CELF4: variants seen among roughly 807,000 people sequenced by gnomAD.
The protein encoded by CELF4 is CUG-BP- and ETR-3-like factor 4.
CELF4 carries 18 observed loss-of-function variants against 59.9 expected under a neutral mutation model. The observed-to-expected ratio is 0.30, with a 90% CI of 0.21 to 0.45. CELF4 has a LOEUF of 0.45. Ranked by LOEUF, CELF4 falls within the 20% of genes least tolerant of loss-of-function variation. CELF4 has a pLI of 1.00. For synonymous variants in CELF4, 261 were observed against 267.1 expected (o/e 0.98, Z 0.22); for missense variants, 456 against 689.0 (o/e 0.66, Z 3.79).
chr18:37,508,252 TG>T, intron 1 of CELF4, among the ~76,000 whole-genome samples: 1 of 152,174 alleles, frequency 6.6e-6, no homozygotes, highest in South Asian at 2.1e-4. Context: ...CAGTGGAGAT[TG>T]GGGTTGGTAA....
At chr18:37,332,468 G>A (rs1213590407) in intron 2 of CELF4, among the ~76,000 whole-genome samples, 2 of 152,010 alleles carry the variant, frequency 1.3e-5, no homozygotes, top group Admixed American at 1.3e-4. Flanking sequence ...TGGGCTGGCG[G>A]GGGCTGCCTG....
At position 37,254,412 on chromosome 18, in the gene CELF4, G is replaced by A. The variant is rs1484189656; in HGVS notation, c.1334-474C>T. Among the ~76,000 whole-genome samples, 4 of 151,966 alleles carry A rather than the reference G, an allele frequency of 2.6e-5. No individual in the cohort carries two copies. Among genetic ancestry groups the A allele is most frequent in the East Asian group, 3.9e-4 (2 of 5,130 alleles). The stretch of plus-strand genomic sequence containing the variant: ...GGGAGAGAGACGAGTGCGAGGGGCC[G>A]GGAGGGAGGCGCCGCCGAGAAACTT... On this transcript the variant is annotated intron_variant, in intron 11 of 12. Coordinates refer to ENST00000420428, the MANE Select transcript of CELF4 (RefSeq NM_020180.4). The surrounding 1 kb of genome is among the most constrained non-coding windows in gnomAD (Gnocchi z 5.1).
intron 2 of CELF4, among the ~76,000 whole-genome samples, chr18:37,391,487 C>G (rs1239713779): frequency 6.6e-6 from 1 of 152,188 alleles, no homozygotes; most frequent in Non-Finnish European, 1.5e-5. Context: ...CCCATGTGGT[C>G]GAACAGTCTT....
intron 3 of CELF4, among the ~76,000 whole-genome samples, chr18:37,319,030 C>T (rs578131574): frequency 9.2e-5 from 14 of 152,358 alleles, no homozygotes; most frequent in Admixed American, 3.3e-4. Flanking sequence ...TGGCTGCCCC[C>T]GCCTGGGGGA....
At chr18:37,333,058 C>T (rs554795825) in intron 2 of CELF4, among the ~76,000 whole-genome samples, 1 of 152,178 alleles carries the variant, frequency 6.6e-6, no homozygotes, top group African/African-American at 2.4e-5. Flanking sequence ...TGAGGGTGTG[C>T]AATTTTTTAA....
Position 37,259,188 on chromosome 18 carries a change from G to A in CELF4, c.1326C>T (p.Leu442=), listed in dbSNP as rs759167131. 6.2e-7 allele frequency: 1 copy of A among 1,613,244 alleles called. No homozygotes were observed. The highest frequency in any genetic ancestry group is 8.5e-7 in the Non-Finnish European group (1 of 1,179,798). Residue 442 remains leucine, a synonymous_variant, in exon 11 of 13, where the codon CTC becomes CTT. Transcript: ENST00000420428. The part of the protein sequence containing the change: ...FGDAELMQMF[L]PFGFVSFDNP... ...TCGAGGAGATGACATTACCGAAAGGGAGGAACATCTGCATCAGCTCAGCGT... is the reference window on the plus strand; with the variant it reads ...TCGAGGAGATGACATTACCGAAAGGAAGGAACATCTGCATCAGCTCAGCGT...
intron 3 of CELF4, among the ~76,000 whole-genome samples, chr18:37,318,434 C>G (rs1389508279): frequency 6.6e-6 from 1 of 151,802 alleles, no homozygotes; most frequent in Non-Finnish European, 1.5e-5. Context: ...TTTCTTTAAT[C>G]TTCTAAAATG....
intron 2 of CELF4, among the ~76,000 whole-genome samples, chr18:37,334,328 T>A (rs1170975922): frequency 6.6e-6 from 1 of 152,154 alleles, no homozygotes; most frequent in Non-Finnish European, 1.5e-5. Flanking sequence ...GTGTCTTTCT[T>A]CTAAACTCCC....
chr18:37,553,125 C>T (rs1257024494), intron 1 of CELF4, among the ~76,000 whole-genome samples: 1 of 152,196 alleles, frequency 6.6e-6, no homozygotes, highest in Non-Finnish European at 1.5e-5. Context: ...TAAATGTAAT[C>T]ATTTGCTTAT....
chr18:37,279,736 T>A (rs1425840239), intron 3 of CELF4, among the ~76,000 whole-genome samples: 1 of 152,204 alleles, frequency 6.6e-6, no homozygotes, highest in East Asian at 1.9e-4. Flanking sequence ...CAAGAACTGC[T>A]GTCCCTGCAC....
At chr18:37,522,449 G>T (rs1001153250) in intron 1 of CELF4, among the ~76,000 whole-genome samples, 1 of 152,098 alleles carries the variant, frequency 6.6e-6, no homozygotes. Context: ...TGTCTCTAAG[G>T]GGAAAATGTT....
At chr18:37,528,460 T>C (rs1292831260) in intron 1 of CELF4, among the ~76,000 whole-genome samples, 1 of 152,174 alleles carries the variant, frequency 6.6e-6, no homozygotes, top group Non-Finnish European at 1.5e-5. Context: ...CTATGGCAAT[T>C]AGTGAATTTC....
chr18:37,326,598 T>C (rs762413484), intron 2 of CELF4, among the ~76,000 whole-genome samples: 22 of 152,148 alleles, frequency 1.4e-4, no homozygotes, highest in Non-Finnish European at 2.4e-4. Context: ...CAGGCCTGCC[T>C]TCCCTGGGTC....
At chr18:37,415,789 A>G (rs1036389412) in intron 2 of CELF4, among the ~76,000 whole-genome samples, 1 of 152,262 alleles carries the variant, frequency 6.6e-6, no homozygotes, top group African/African-American at 2.4e-5. Flanking sequence ...GAGGAAAAGT[A>G]GCACATTTAT....
At chr18:37,395,865 G>A (rs1486638883) in intron 2 of CELF4, among the ~76,000 whole-genome samples, 1 of 152,154 alleles carries the variant, frequency 6.6e-6, no homozygotes, top group Non-Finnish European at 1.5e-5. Context: ...GAACTCCCCA[G>A]CCTGGGATCC....
At chr18:37,299,542 G>A (rs983365668) in intron 3 of CELF4, among the ~76,000 whole-genome samples, 1 of 152,144 alleles carries the variant, frequency 6.6e-6, no homozygotes, top group African/African-American at 2.4e-5. Context: ...CAGGCCAGAG[G>A]CCCCAGGAGG....
At chr18:37,288,812 T>A (rs1176385695) in intron 3 of CELF4, among the ~76,000 whole-genome samples, 4 of 152,136 alleles carry the variant, frequency 2.6e-5, no homozygotes, top group African/African-American at 9.7e-5. Flanking sequence ...CAACATATTA[T>A]CTGTTGGTAT....
intron 2 of CELF4, among the ~76,000 whole-genome samples, chr18:37,332,735 C>T (rs545539888): frequency 1.9e-4 from 29 of 152,298 alleles, no homozygotes; most frequent in African/African-American, 6.5e-4. Flanking sequence ...AAGCTTCCAG[C>T]GCGTGGCAGG....
At chr18:37,497,345 AC>A (rs1176183308) in intron 1 of CELF4, among the ~76,000 whole-genome samples, 3 of 152,198 alleles carry the variant, frequency 2.0e-5, no homozygotes, top group East Asian at 1.9e-4. Flanking sequence ...TGAAAGACAT[AC>A]CCCCTGCTTT....
Sources: gnomAD v4.1 joint callset for allele counts (sites outside exome capture counted in the v4.1 genomes callset) on GRCh38, gnomAD v4.1.1 for gene constraint, Gnocchi (gnomAD v3.1) non-coding constraint, MANE v1.5 for transcripts, NCBI Gene and HGNC (gene_info 2026-07-23, HGNC 2026-07-21) for gene names.